Variants in ARHGEF4 observed in about 807,000 individuals in gnomAD.
ARHGEF4 encodes Rho guanine nucleotide exchange factor 4.
In ARHGEF4, 119 loss-of-function variants were observed where a neutral mutation model predicts 162.0. The observed-to-expected ratio is 0.73, with a 90% CI of 0.63 to 0.86. The LOEUF is 0.86. Ranked by LOEUF, ARHGEF4 falls within the 40% of genes least tolerant of loss-of-function variation. The probability of loss-of-function intolerance (pLI) is 0.00; values close to 1 mark genes in which losing one functional copy is unlikely to be tolerated. For missense variants in ARHGEF4, 2,488 were observed against 2,456.0 expected, an observed-to-expected ratio of 1.01 and a Z score of -0.28; for synonymous variants, 1,014 against 979.9, an observed-to-expected ratio of 1.03 and a Z score of -0.65.
intron 4 of ARHGEF4, among the ~76,000 whole-genome samples, chr2:130,960,847 A>G (rs1317090586): frequency 6.6e-6 from 1 of 152,156 alleles, no homozygotes; most frequent in Middle Eastern, 3.4e-3. Context: ...CCCTTTTCAC[A>G]CTGGAGCTCA....
intron 5 of ARHGEF4, among the ~76,000 whole-genome samples, chr2:131,033,587 G>A (rs1346878063): frequency 2.0e-5 from 3 of 152,198 alleles, no homozygotes; most frequent in Non-Finnish European, 2.9e-5. Context: ...TCAGGGGTTC[G>A]AAGCCACACC....
At chr2:130,857,076 C>CA (rs1205072697) in intron 1 of ARHGEF4, among the ~76,000 whole-genome samples, 1 of 151,754 alleles carries the variant, frequency 6.6e-6, no homozygotes, top group South Asian at 2.1e-4. Flanking sequence ...AATAATAATA[C>CA]AAAAAATTAG....
chr2:130,913,891 A>G, intron 1 of ARHGEF4, 95 bp from the exon 2 acceptor site: 1 of 1,438,762 alleles, frequency 7.0e-7, no homozygotes, highest in Non-Finnish European at 9.3e-7. Context: ...GCCATTTCTG[A>G]GCCTTCCTCC....
intron 5 of ARHGEF4, among the ~76,000 whole-genome samples, chr2:131,034,400 G>T (rs891567829): frequency 1.3e-5 from 2 of 152,222 alleles, no homozygotes; most frequent in African/African-American, 4.8e-5. Flanking sequence ...TGTGTCGAGT[G>T]GAGGCAGAGG....
intron 6 of ARHGEF4, chr2:131,039,568 G>A (rs1690597646): frequency 7.7e-6 from 8 of 1,040,374 alleles, no homozygotes; most frequent in African/African-American, 1.7e-5. Context: ...GGAGGTCCCA[G>A]GCCCTGGTGT....
At chr2:130,975,492 C>T (rs1308844004) in intron 4 of ARHGEF4, among the ~76,000 whole-genome samples, 1 of 152,154 alleles carries the variant, frequency 6.6e-6, no homozygotes, top group Admixed American at 6.5e-5. Flanking sequence ...TCGGGACAGC[C>T]CTCACTCCAG....
chr2:131,008,350 A>C (rs960118665), intron 4 of ARHGEF4, among the ~76,000 whole-genome samples: 1 of 152,010 alleles, frequency 6.6e-6, no homozygotes, highest in South Asian at 2.1e-4. Flanking sequence ...TTCTTTGTAA[A>C]ACTTTTCTTG....
chr2:130,914,532 C>T lies in ARHGEF4; in HGVS notation c.586C>T (p.Pro196Ser). Residue 196 changes from proline (P) to serine (S), a missense_variant, in exon 2 of 14, where the codon CCA (proline) becomes TCA (serine). Physicochemically the swap from Pro to Ser is moderately conservative, Grantham distance 74. Coordinates refer to ENST00000409359, the MANE Select transcript of ARHGEF4 (RefSeq NM_001367493.1). ...QRATDSSGPE[P>S]VQGVAVQDLR... is the part of the protein sequence containing the mutation. ...GGCCACAGACAGCAGTGGTCCTGAG[C>T]CAGTACAGGGGGTGGCTGTTCAAGA... is the stretch of plus-strand genomic sequence containing the variant. 7.0e-7 allele frequency: 1 copy of T among 1,422,448 alleles called. No individual in the cohort carries two copies. The highest frequency in any genetic ancestry group is 9.1e-7 in the Non-Finnish European group (1 of 1,094,228). The allele number at this position is 1,422,448 out of a possible 1,614,324, so 88.1% of individuals were successfully genotyped here. A position where few individuals can be genotyped will look rare whatever the true frequency, so the allele number is the denominator to read the frequency against.
intron 1 of ARHGEF4, among the ~76,000 whole-genome samples, chr2:130,901,989 T>C (rs1306387885): frequency 6.6e-6 from 1 of 152,120 alleles, no homozygotes; most frequent in African/African-American, 2.4e-5. Flanking sequence ...TACCCTGCCT[T>C]CCTTGTCTTT....
intron 4 of ARHGEF4, among the ~76,000 whole-genome samples, chr2:130,972,420 A>T (rs1479068810): frequency 1.3e-5 from 2 of 152,184 alleles, no homozygotes; most frequent in African/African-American, 4.8e-5. Context: ...AGCCACAGTC[A>T]CCTTCTTGAG....
At chr2:130,878,654 C>T (rs1050323987) in intron 1 of ARHGEF4, among the ~76,000 whole-genome samples, 1 of 152,228 alleles carries the variant, frequency 6.6e-6, no homozygotes, top group Non-Finnish European at 1.5e-5. Flanking sequence ...TTTCCCAGCA[C>T]ATATGTGCAG....
At chr2:130,871,131 T>G (rs1420120188) in intron 1 of ARHGEF4, among the ~76,000 whole-genome samples, 2 of 152,206 alleles carry the variant, frequency 1.3e-5, no homozygotes, top group Non-Finnish European at 2.9e-5. Flanking sequence ...TGTGGGTTGC[T>G]GAGCTGGGGC....
At chr2:130,913,690 G>A (rs965109023) in intron 1 of ARHGEF4, among the ~76,000 whole-genome samples, 1 of 152,338 alleles carries the variant, frequency 6.6e-6, no homozygotes, top group Non-Finnish European at 1.5e-5. Flanking sequence ...CATGACTCAT[G>A]CAACATTTTT....
At chr2:130,952,878 AC>A (rs1359522991) in intron 4 of ARHGEF4, among the ~76,000 whole-genome samples, 1 of 152,214 alleles carries the variant, frequency 6.6e-6, no homozygotes, top group East Asian at 1.9e-4. Context: ...AAGGAGAACT[AC>A]AAACCACTGC....
intron 2 of ARHGEF4, among the ~76,000 whole-genome samples, chr2:130,920,547 G>C (rs909165506): frequency 6.6e-6 from 1 of 152,166 alleles, no homozygotes; most frequent in East Asian, 1.9e-4. Flanking sequence ...GCTCAGAAAG[G>C]TTCCCTCTGT....
intron 1 of ARHGEF4, among the ~76,000 whole-genome samples, chr2:130,904,333 G>A (rs998961682): frequency 6.6e-6 from 1 of 152,086 alleles, no homozygotes; most frequent in African/African-American, 2.4e-5. Context: ...TGCACAGTTT[G>A]GGTGTTATAT....
At chr2:131,044,095 TAAAG>T (rs1168890040) in intron 11 of ARHGEF4, among the ~76,000 whole-genome samples, 200 bp from the exon 12 acceptor site, 2 of 151,976 alleles carry the variant, frequency 1.3e-5, no homozygotes, top group African/African-American at 4.8e-5. Context: ...ACCTGCAAAA[TAAAG>T]GAGCAAGGCC....
At chr2:130,964,771 G>T (rs1400624318) in intron 4 of ARHGEF4, among the ~76,000 whole-genome samples, 1 of 152,222 alleles carries the variant, frequency 6.6e-6, no homozygotes, top group East Asian at 1.9e-4. Context: ...AGCTGGTCCT[G>T]GACCCCTCTG....
rs745442989 is a variant in ARHGEF4, at chr2:131,045,442, C to G, written c.5475C>G (p.Pro1825=). Residue 1825 remains proline, a synonymous_variant, in exon 13 of 14, where the codon CCC becomes CCG. Transcript: ENST00000409359. ...NASKQQVTGK[P]KAVGRPCYLT... Reference sequence around the variant, plus strand: ...GCAAGCAGCAGGTCACAGGGAAGCCCAAAGGTAGGCGGACAGCAGCCCCAC... The same window carrying G: ...GCAAGCAGCAGGTCACAGGGAAGCCGAAAGGTAGGCGGACAGCAGCCCCAC... 2.5e-6 allele frequency: 4 copies of G among 1,613,608 alleles called. No homozygotes were observed. The highest frequency in any genetic ancestry group is 2.5e-6 in the Non-Finnish European group (3 of 1,180,012).
Sources: allele counts gnomAD v4.1 joint callset (sites outside exome capture counted in the v4.1 genomes callset), GRCh38; gene constraint gnomAD v4.1.1; transcripts MANE v1.5; gene names NCBI Gene and HGNC (gene_info 2026-07-23, HGNC 2026-07-21).